Variants in HIC2 observed in about 807,000 individuals in gnomAD.
HIC2 encodes HIC ZBTB transcriptional repressor 2, also known as hypermethylated in cancer 2 protein.
In HIC2, 2 loss-of-function variants were observed where a neutral mutation model predicts 39.5. The observed-to-expected ratio is 0.05, with a 90% CI of 0.02 to 0.16. HIC2 has a LOEUF of 0.16. Ranked by LOEUF, HIC2 falls within the 10% of genes least tolerant of loss-of-function variation. HIC2 has a pLI of 1.00. For missense variants in HIC2, 713 were observed against 863.5 expected (o/e 0.83, Z 2.18); for synonymous variants, 399 against 368.8 (o/e 1.08, Z -0.94).
intron 2 of HIC2, among the ~76,000 whole-genome samples, chr22:21,443,067 G>A (rs1923603724): frequency 1.3e-5 from 2 of 152,226 alleles, no homozygotes; most frequent in Admixed American, 1.3e-4. Context: ...TGCTGGCAGA[G>A]CCGGCACTGA....
chr22:21,438,180 T>G (rs138394054), intron 1 of HIC2, among the ~76,000 whole-genome samples: 19,457 of 142,024 alleles, frequency 0.14, 459 homozygotes, highest in East Asian at 0.36. Context: ...GAAGGCAGGG[T>G]TATCATGTGG....
rs141454086 is a variant in HIC2, at chr22:21,447,818, G to A, written c.*1075G>A. ...TGTATGTGCGTATGTGTGTGTCTAT[G>A]TGTGGTGTGTGCCGTATGCATGGGC... On this transcript the variant is annotated 3_prime_UTR_variant, in exon 3 of 3. Transcript: ENST00000407464. 6.5e-5 allele frequency: 10 copies of A among 152,856 alleles called. No individual in the cohort carries two copies. The highest frequency in any genetic ancestry group is 1.9e-4 in the East Asian group (1 of 5,312). 9.5% of individuals were successfully genotyped at this position (152,856 alleles called of 1,614,324 possible).
At position 21,446,889 on chromosome 22, in the gene HIC2, G is replaced by C. The variant is rs1177536432; in HGVS notation, c.*146G>C. On this transcript the variant is annotated 3_prime_UTR_variant, in exon 3 of 3. Coordinates refer to ENST00000407464, the MANE Select transcript of HIC2 (RefSeq NM_015094.3). ...CTCTGGCCCCCACTGCCCACACCCA[G>C]AGCTTTAATGGACAGTCCGTACCAA... 9.0e-7 allele frequency: 1 copy of C among 1,106,960 alleles called. No homozygotes were observed. Among genetic ancestry groups the C allele is most frequent in the Non-Finnish European group, 1.3e-6 (1 of 798,410 alleles). 68.6% of individuals were successfully genotyped at this position (1,106,960 alleles called of 1,614,324 possible).
rs1923728969 is a variant in HIC2, at chr22:21,445,198, C to T, written c.303C>T (p.Tyr101=). The T allele has an allele frequency of 6.2e-7, 1 of 1,614,090 alleles. No homozygotes were observed. Among genetic ancestry groups the T allele is most frequent in the Non-Finnish European group, 8.5e-7 (1 of 1,180,034 alleles). The change falls in exon 3 of 3, where the codon TAC becomes TAT. Residue 101 remains tyrosine (Y), a synonymous_variant. Transcript: ENST00000407464. ...TCCAGCAGATCTTGGACTTCATCTA[C>T]ACAGGCAAGCTGCTGCCCAGCGACC... The part of the protein sequence containing the change: ...TVFQQILDFI[Y]TGKLLPSDQP...
rs1310758258 is a variant in HIC2, at chr22:21,447,694, T to G, written c.*951T>G. 2.1e-5 allele frequency: 2 copies of G among 95,256 alleles called. No individual in the cohort carries two copies. The highest frequency in any genetic ancestry group is 1.7e-4 in the Admixed American group (1 of 6,014). 5.9% of individuals were successfully genotyped at this position (95,256 alleles called of 1,614,324 possible). ...GTAACGTTTATGTGACTGTTTGAAC[T>G]GGAAGGTCTGGGGTTCCGGGGGGTG... On this transcript the variant is annotated 3_prime_UTR_variant, in exon 3 of 3. Coordinates refer to ENST00000407464, the MANE Select transcript of HIC2 (RefSeq NM_015094.3).
Position 21,445,093 on chromosome 22 carries a change from C to A in HIC2, c.198C>A (p.Ala66=), listed in dbSNP as rs1382654287. Residue 66 remains alanine, a synonymous_variant, in exon 3 of 3, where the codon GCC becomes GCA. Transcript: ENST00000407464. ...GGGCCCACAAGAACGTCCTAGCCGC[C>A]AGCAGCATCTATTTCAAGTCCCTGG... ...IFRAHKNVLA[A]SSIYFKSLVL... 1 of 1,614,224 alleles carries A rather than the reference C, an allele frequency of 6.2e-7. No homozygotes were observed. The highest frequency in any genetic ancestry group is 1.1e-5 in the South Asian group (1 of 91,090).
rs1443532414 is a variant in HIC2, at chr22:21,445,666, C to T, written c.771C>T (p.Pro257=). The T allele has an allele frequency of 3.1e-6, 5 of 1,607,356 alleles. No individual in the cohort carries two copies. The highest frequency in any genetic ancestry group is 2.2e-5 in the East Asian group (1 of 44,840). The change falls in exon 3 of 3, where the codon CCC becomes CCT. Residue 257 remains proline, a synonymous_variant. Transcript: ENST00000407464. The stretch of plus-strand genomic sequence containing the variant: ...TGTCCAAGAAAAGCCCACCCTTGCC[C>T]CCTGCCACCCCAGGTCCCCACCTCA... The part of the protein sequence containing the change: ...LDLSKKSPPL[P]PATPGPHLTP...
At chr22:21,441,372 G>C (rs1299535314) in intron 1 of HIC2, among the ~76,000 whole-genome samples, 2 of 152,208 alleles carry the variant, frequency 1.3e-5, no homozygotes, top group African/African-American at 2.4e-5. Flanking sequence ...GTGCCCGTCA[G>C]GGCCAGGCAG....
At chr22:21,432,628 A>G (rs1432971188) in intron 1 of HIC2, among the ~76,000 whole-genome samples, 1 of 132,060 alleles carries the variant, frequency 7.6e-6, no homozygotes, top group Non-Finnish European at 1.6e-5. Flanking sequence ...GTGAGCCGAG[A>G]TTGCACCATG....
Position 21,450,586 on chromosome 22 carries a change from A to C in HIC2, c.*3843A>C, listed in dbSNP as rs1924125617. On this transcript the variant is annotated 3_prime_UTR_variant, in exon 3 of 3. Transcript: ENST00000407464. ...CAGGAGGCTGCATCCGTCCACCCCC[A>C]GGCGTGGGGGACAAAAGCCAAAGGT... The C allele has an allele frequency of 6.5e-6, 1 of 152,854 alleles. No homozygotes were observed. 9.5% of individuals were successfully genotyped at this position (152,854 alleles called of 1,614,324 possible). A position where few individuals can be genotyped will look rare whatever the true frequency, so the allele number is the denominator to read the frequency against.
In HIC2 at chr22:21,448,303, G is replaced by GC. The variant is rs1923971667; in HGVS notation, c.*1566dup. The stretch of plus-strand genomic sequence containing the variant: ...TAAGCTTGAGAGAGCTGACCACAGG[G>GC]CCCCCCGGGGAACAGGGATGGCACT... On this transcript the variant is annotated 3_prime_UTR_variant, in exon 3 of 3. Transcript: ENST00000407464. 1 of 152,796 alleles carries GC rather than the reference G, an allele frequency of 6.5e-6. No individual in the cohort carries two copies. The allele number at this position is 152,796 out of a possible 1,614,324, so 9.5% of individuals were successfully genotyped here.
In HIC2 at chr22:21,445,523, A is replaced by G. The variant is rs1923755245; in HGVS notation, c.628A>G (p.Ser210Gly). ...CTTTCTTGGTGGCTCTAACCAGGAT[A>G]GCGTGCAAGGTCTGGGCCGGGCTGT... ...ELFLGGSNQD[S>G]VQGLGRAVCP... Residue 210 changes from serine to glycine, a missense_variant, in exon 3 of 3, where the codon AGC (serine) becomes GGC (glycine). Transcript: ENST00000407464. 2 of 1,600,472 alleles carry G rather than the reference A, an allele frequency of 1.2e-6. No homozygotes were observed. The highest frequency in any genetic ancestry group is 1.1e-5 in the South Asian group (1 of 89,930).
chr22:21,447,632 T>C lies in HIC2; in HGVS notation c.*889T>C, dbSNP rs1923929821. On this transcript the variant is annotated 3_prime_UTR_variant, in exon 3 of 3. Coordinates refer to ENST00000407464, the MANE Select transcript of HIC2 (RefSeq NM_015094.3). The stretch of plus-strand genomic sequence containing the variant: ...GTAGTTTCCAAGGAATATTCTTTGT[T>C]TAGAGGTACTTGTTTTTTATTAAGA... The C allele has an allele frequency of 6.6e-6, 1 of 152,364 alleles. No homozygotes were observed. Among genetic ancestry groups the C allele is most frequent in the Admixed American group, 6.6e-5 (1 of 15,240 alleles). 9.4% of individuals were successfully genotyped at this position (152,364 alleles called of 1,614,324 possible).
chr22:21,446,895 T>A lies in HIC2; in HGVS notation c.*152T>A. On this transcript the variant is annotated 3_prime_UTR_variant, in exon 3 of 3. Coordinates refer to ENST00000407464, the MANE Select transcript of HIC2 (RefSeq NM_015094.3). ...CCCCCACTGCCCACACCCAGAGCTTTAATGGACAGTCCGTACCAAGCAGAG... is the reference window on the plus strand; with the variant it reads ...CCCCCACTGCCCACACCCAGAGCTTAAATGGACAGTCCGTACCAAGCAGAG... 9.4e-7 allele frequency: 1 copy of A among 1,061,394 alleles called. No homozygotes were observed. The highest frequency in any genetic ancestry group is 1.3e-6 in the Non-Finnish European group (1 of 757,566). 65.7% of individuals were successfully genotyped at this position (1,061,394 alleles called of 1,614,324 possible). A position where few individuals can be genotyped will look rare whatever the true frequency, so the allele number is the denominator to read the frequency against.
Position 21,445,917 on chromosome 22 carries a change from A to C in HIC2, c.1022A>C (p.Lys341Thr). The C allele has an allele frequency of 4.4e-6, 7 of 1,595,322 alleles. No homozygotes were observed. Among genetic ancestry groups the C allele is most frequent in the Non-Finnish European group, 6.0e-6 (7 of 1,172,148 alleles). Residue 341 changes from lysine (K) to threonine (T), a missense_variant, in exon 3 of 3, where the codon AAG becomes ACG. Coordinates refer to ENST00000407464, the MANE Select transcript of HIC2 (RefSeq NM_015094.3). ...RHSTRKKEWG[K>T]KEPVAGSPFE... ...TCCACTCGGAAGAAGGAGTGGGGCA[A>C]GAAGGAGCCTGTGGCTGGCTCCCCC...
intron 1 of HIC2, among the ~76,000 whole-genome samples, chr22:21,433,615 G>A (rs1274965661): frequency 1.7e-3 from 2 of 1,156 alleles, no homozygotes; most frequent in South Asian, 5.1e-3. Context: ...GTGCAGTGGC[G>A]CAGTCTCAGC....
rs369029386 is a variant in HIC2, at chr22:21,445,796, A to G, written c.901A>G (p.Thr301Ala). The G allele has an allele frequency of 6.3e-7, 1 of 1,596,330 alleles. No homozygotes were observed. Among genetic ancestry groups the G allele is most frequent in the African/African-American group, 1.3e-5 (1 of 74,352 alleles). Residue 301 changes from threonine to alanine, a missense_variant, in exon 3 of 3, where the codon ACC (threonine) becomes GCC (alanine). By Grantham distance (58) the Thr-to-Ala change is moderately conservative. Transcript: ENST00000407464. ...TGCCTCTTATTCTGAGCTGGGGGGC[A>G]CCCCTGATGAGCCCATGGATCTGGA... ...NSASYSELGG[T>A]PDEPMDLEGA... is the part of the protein sequence containing the mutation.
chr22:21,438,016 G>A (rs1192354130), intron 1 of HIC2, among the ~76,000 whole-genome samples: 1 of 142,132 alleles, frequency 7.0e-6, no homozygotes, highest in Non-Finnish European at 1.5e-5. Flanking sequence ...CCCCTTTCTT[G>A]GTAGTAAAGG....
chr22:21,448,493 GT>G lies in HIC2; in HGVS notation c.*1751del, dbSNP rs1923982742. 1 of 152,822 alleles carries G rather than the reference GT, an allele frequency of 6.5e-6. No homozygotes were observed. The highest frequency in any genetic ancestry group is 1.5e-5 in the Non-Finnish European group (1 of 68,054). 9.5% of individuals were successfully genotyped at this position (152,822 alleles called of 1,614,324 possible). A position where few individuals can be genotyped will look rare whatever the true frequency, so the allele number is the denominator to read the frequency against. ...CCACTGTCTTCAGCCAGCTGAAGCT[GT>G]GGGGCTGGGCTGGCAGCCTTTATTG... On this transcript the variant is annotated 3_prime_UTR_variant, in exon 3 of 3. Coordinates refer to ENST00000407464, the MANE Select transcript of HIC2 (RefSeq NM_015094.3).
Sources: gnomAD v4.1 joint callset for allele counts (sites outside exome capture counted in the v4.1 genomes callset) on GRCh38, gnomAD v4.1.1 for gene constraint, MANE v1.5 for transcripts, NCBI Gene and HGNC (gene_info 2026-07-23, HGNC 2026-07-21) for gene names.